Variants in PARD3B observed in about 807,000 individuals in gnomAD.
PARD3B encodes partitioning defective 3 homolog B.
In PARD3B, 103 loss-of-function variants were observed where a neutral mutation model predicts 130.2. The observed-to-expected ratio is 0.79, with a 90% CI of 0.67 to 0.93. The LOEUF is 0.93. Among genes scored for constraint, PARD3B ranks in the 40% least tolerant of loss-of-function variants. PARD3B has a pLI of 0.00. For missense variants in PARD3B, 1,609 were observed against 1,499.2 expected (o/e 1.07, Z -1.21); for synonymous variants, 583 against 553.2 (o/e 1.05, Z -0.76).
At chr2:205,582,673 T>TG (rs2054033754) in intron 22 of PARD3B, among the ~76,000 whole-genome samples, 1 of 152,034 alleles carries the variant, frequency 6.6e-6, no homozygotes, top group South Asian at 2.1e-4. Context: ...TTATTGTTTT[T>TG]TTTTTTTTTC....
intron 2 of PARD3B, among the ~76,000 whole-genome samples, chr2:204,841,357 G>A (rs2044254285): frequency 6.6e-6 from 1 of 152,090 alleles, no homozygotes; most frequent in African/African-American, 2.4e-5. Flanking sequence ...ACTACCAGGT[G>A]TTAGAAAACC....
At chr2:205,381,152 TA>T (rs1293425836) in intron 18 of PARD3B, among the ~76,000 whole-genome samples, 3 of 98,922 alleles carry the variant, frequency 3.0e-5, no homozygotes, top group Admixed American at 2.7e-4. Context: ...ATAATATATA[TA>T]ATATATATAA....
intron 1 of PARD3B, among the ~76,000 whole-genome samples, chr2:204,633,722 G>T (rs1260889676): frequency 1.3e-5 from 2 of 152,158 alleles, no homozygotes; most frequent in Non-Finnish European, 1.5e-5. Context: ...TGAGGCAGGA[G>T]AATCACTTGA....
At chr2:204,912,611 T>G (rs1324902715) in intron 2 of PARD3B, among the ~76,000 whole-genome samples, 1 of 152,146 alleles carries the variant, frequency 6.6e-6, no homozygotes, top group East Asian at 1.9e-4. Flanking sequence ...TTAAGAACAA[T>G]TGAGAATTGA....
chr2:205,237,120 A>C (rs2039097797), intron 15 of PARD3B, among the ~76,000 whole-genome samples: 1 of 152,032 alleles, frequency 6.6e-6, no homozygotes, highest in African/African-American at 2.4e-5. Context: ...TGTTTTTGAG[A>C]CAGAGTTTTG....
At chr2:204,886,096 A>C (rs536272346) in intron 2 of PARD3B, among the ~76,000 whole-genome samples, 47 of 152,330 alleles carry the variant, frequency 3.1e-4, no homozygotes, top group African/African-American at 1.1e-3. Context: ...GACTATTTGA[A>C]CATGTTCAAT....
At chr2:204,619,500 C>CA (rs1263987548) in intron 1 of PARD3B, among the ~76,000 whole-genome samples, 4 of 151,996 alleles carry the variant, frequency 2.6e-5, no homozygotes, top group Non-Finnish European at 5.9e-5. Flanking sequence ...AGTGACATGA[C>CA]AAAAATAAGA....
At chr2:204,641,419 AT>A (rs1190728414) in intron 1 of PARD3B, among the ~76,000 whole-genome samples, 2 of 151,816 alleles carry the variant, frequency 1.3e-5, no homozygotes. Context: ...AGATGAGATA[AT>A]GTACTTATGT....
At chr2:204,802,214 T>C (rs763038769) in intron 2 of PARD3B, among the ~76,000 whole-genome samples, 1 of 152,200 alleles carries the variant, frequency 6.6e-6, no homozygotes, top group South Asian at 2.1e-4. Flanking sequence ...AGAAGACATT[T>C]ATGTGGCCAA....
chr2:205,333,114 A>C (rs1054517281), intron 18 of PARD3B, among the ~76,000 whole-genome samples: 2 of 152,186 alleles, frequency 1.3e-5, no homozygotes, highest in East Asian at 3.9e-4. Flanking sequence ...ATGAAAGTAC[A>C]TACTACCCCA....
rs1298064958 is a variant in PARD3B at position 205,508,663 on chromosome 2, CCTT to C, written c.3180+8636_3180+8638del. On this transcript the variant is annotated intron_variant, in intron 21 of 22. Transcript: ENST00000406610. ...GGGCAATCCCTTCTCAGTTGATGAA[CCTT>C]CTTGAGCTCTATCCCAATGGTTCCC... 6.6e-5 allele frequency among the ~76,000 whole-genome samples: 10 copies of C among 152,130 alleles called. No homozygotes were observed. In the East Asian group the frequency reaches 1.9e-3, roughly 29 times the overall value.
At chr2:205,289,390 A>G (rs2041518415) in intron 16 of PARD3B, among the ~76,000 whole-genome samples, 1 of 152,148 alleles carries the variant, frequency 6.6e-6, no homozygotes, top group African/African-American at 2.4e-5. Context: ...AAGCGGTGAC[A>G]TGTACTGAAT....
At chr2:204,680,925 TTGTG>T (rs542125080) in intron 1 of PARD3B, among the ~76,000 whole-genome samples, 1 of 151,880 alleles carries the variant, frequency 6.6e-6, no homozygotes, top group African/African-American at 2.4e-5. Context: ...GTTACACTAT[TTGTG>T]TGTGTGTGTG....
In PARD3B at chr2:204,799,806, T is replaced by C. The variant is rs557374836; in HGVS notation, c.222+113524T>C. On this transcript the variant is annotated intron_variant, in intron 2 of 22. Coordinates refer to ENST00000406610, the MANE Select transcript of PARD3B (RefSeq NM_001302769.2). The surrounding 1 kb of genome is among the most constrained non-coding windows in gnomAD (Gnocchi z 4.1). ...CAAGTCTGCAAAAGCCATAGTATTATTGGACTGAGGGTTCCCCAAATGCAG... is the reference window on the plus strand; with the variant it reads ...CAAGTCTGCAAAAGCCATAGTATTACTGGACTGAGGGTTCCCCAAATGCAG... Among the ~76,000 whole-genome samples, 44 of 152,122 alleles carry C rather than the reference T, an allele frequency of 2.9e-4. 1 individual carries two copies. Among genetic ancestry groups the C allele is most frequent in the African/African-American group, 1.0e-3 (43 of 41,448 alleles).
chr2:204,705,510 G>A (rs1262132179), intron 2 of PARD3B, among the ~76,000 whole-genome samples: 1 of 149,812 alleles, frequency 6.7e-6, no homozygotes, highest in Admixed American at 6.6e-5. Flanking sequence ...AAGAATTTAA[G>A]CATACAAATA....
At chr2:205,435,061 AT>A (rs1192488596) in intron 19 of PARD3B, among the ~76,000 whole-genome samples, 1 of 152,104 alleles carries the variant, frequency 6.6e-6, no homozygotes, top group African/African-American at 2.4e-5. Flanking sequence ...TGTACTGAAA[AT>A]TAAGTTAAAT....
chr2:205,218,141 T>G (rs1271681663), intron 15 of PARD3B, among the ~76,000 whole-genome samples: 3 of 151,898 alleles, frequency 2.0e-5, no homozygotes, highest in African/African-American at 7.3e-5. Flanking sequence ...TCCACCCACC[T>G]TGGCTTCTCA....
chr2:205,556,128 C>T (rs1461780157), intron 22 of PARD3B, among the ~76,000 whole-genome samples: 3 of 152,104 alleles, frequency 2.0e-5, no homozygotes, highest in Non-Finnish European at 4.4e-5. Flanking sequence ...CGGTAGGCAC[C>T]GGATCCCTCT....
chr2:205,322,496 AC>A (rs1358904910), intron 18 of PARD3B, among the ~76,000 whole-genome samples: 1 of 152,204 alleles, frequency 6.6e-6, no homozygotes, highest in Non-Finnish European at 1.5e-5. Context: ...GCCAGCTCTT[AC>A]AAAAAACAAA....
Sources: gnomAD v4.1 joint callset for allele counts (sites outside exome capture counted in the v4.1 genomes callset) on GRCh38, gnomAD v4.1.1 for gene constraint, Gnocchi (gnomAD v3.1) non-coding constraint, MANE v1.5 for transcripts, NCBI Gene and HGNC (gene_info 2026-07-23, HGNC 2026-07-21) for gene names.